The following LNX1 variants were observed in gnomAD, a reference collection of about 807,000 sequenced individuals.
LNX1 encodes the protein E3 ubiquitin-protein ligase LNX.
A neutral mutation model predicts 68.4 loss-of-function variants in LNX1; 54 were observed. The ratio of observed to expected loss-of-function variants is 0.79; its 90% CI spans 0.63 to 0.99. The LOEUF (loss-of-function observed/expected upper bound fraction) is 0.99. LNX1 is among the 50% of genes least tolerant of loss of function. The pLI, the probability that LNX1 is intolerant of heterozygous loss-of-function variation, is 0.00. For missense variants in LNX1, 906 were observed against 926.4 expected, an observed-to-expected ratio of 0.98 and a Z score of 0.29; for synonymous variants, 336 against 350.0, an observed-to-expected ratio of 0.96 and a Z score of 0.45.
intron 6 of LNX1, among the ~76,000 whole-genome samples, chr4:53,486,407 C>A (rs1724296673): frequency 6.6e-6 from 1 of 152,112 alleles, no homozygotes. Context: ...TTCTACAGGC[C>A]AAGAGGAAGC....
At chr4:53,487,741 C>T (rs1724406311) in intron 6 of LNX1, among the ~76,000 whole-genome samples, 1 of 152,176 alleles carries the variant, frequency 6.6e-6, no homozygotes, top group African/African-American at 2.4e-5. Context: ...ATATAAGCTG[C>T]TTATAGAGCT....
rs199684639 is a variant in LNX1, at chr4:53,495,548, C to CTTTTTTTTTTTTTTTTTTTTTTTTTTTT, written c.1350+474_1350+475insAAAAAAAAAAAAAAAAAAAAAAAAAAAA. Among the ~76,000 whole-genome samples, 68 of 119,384 alleles carry CTTTTTTTTTTTTTTTTTTTTTTTTTTTT rather than the reference C, an allele frequency of 5.7e-4. 6 individuals carry two copies. Among genetic ancestry groups the CTTTTTTTTTTTTTTTTTTTTTTTTTTTT allele is most frequent in the Middle Eastern group, 4.8e-3 (1 of 208 alleles). 78.3% of individuals were successfully genotyped at this position (119,384 alleles called of 152,430 possible). A position where few individuals can be genotyped will look rare whatever the true frequency, so the allele number is the denominator to read the frequency against. ...GATCCCTGGAGAATGCATGGCATAG[C>CTTTTTTTTTTTTTTTTTTTTTTTTTTTT]TTTTTTTTTTTTTAAGATGGGTCTT... On this transcript the variant is annotated intron_variant, in intron 6 of 10. Coordinates refer to ENST00000263925, the MANE Select transcript of LNX1 (RefSeq NM_001126328.3).
rs755928010 is a variant in LNX1 at position 53,508,206 on chromosome 4, G to A, written c.402C>T (p.Tyr134=). 1 of 1,614,086 alleles carries A rather than the reference G, an allele frequency of 6.2e-7. No individual in the cohort carries two copies. Among genetic ancestry groups the A allele is most frequent in the South Asian group, 1.1e-5 (1 of 91,082 alleles). ...GCCTCTTCCTATCTTTGGTCAGGCC[G>A]TAGTGGGAGGCACCTTTACAGCTGT... ...FQTSCKGASH[Y]GLTKDRKRRS... The change falls in exon 3 of 11, where the codon TAC becomes TAT. Residue 134 remains tyrosine (Y), a synonymous_variant. Transcript: ENST00000263925.
rs570561980 is a variant in LNX1 at position 53,631,847 on chromosome 4, G to A, written c.-215+20321C>T. ...CTAATCAATTCAGAGTCTCTTTGGAGGTGGAGCCTGAGCCTTTTTTTTTTT... is the reference window on the plus strand; with the variant it reads ...CTAATCAATTCAGAGTCTCTTTGGAAGTGGAGCCTGAGCCTTTTTTTTTTT... On this transcript the variant is annotated intron_variant, in intron 1 of 2. Transcript: ENST00000507168. 1.0e-3 allele frequency among the ~76,000 whole-genome samples: 158 copies of A among 152,094 alleles called. 1 individual carries two copies. Among genetic ancestry groups the A allele is most frequent in the African/African-American group, 3.6e-3 (149 of 41,482 alleles).
intron 2 of LNX1, among the ~76,000 whole-genome samples, chr4:53,553,061 A>C (rs1040622308): frequency 6.6e-6 from 1 of 152,170 alleles, no homozygotes; most frequent in Non-Finnish European, 1.5e-5. Flanking sequence ...CCAAGATATG[A>C]GGCAAATTCA....
intron 2 of LNX1, among the ~76,000 whole-genome samples, chr4:53,538,229 A>T (rs1025235731): frequency 6.6e-6 from 1 of 152,192 alleles, no homozygotes; most frequent in African/African-American, 2.4e-5. Flanking sequence ...TTGGGACACC[A>T]TGGCATCCAG....
In LNX1 at chr4:53,565,927, G is replaced by A. The variant is rs527433272; in HGVS notation, c.380+7696C>T. On this transcript the variant is annotated intron_variant, in intron 2 of 10. Coordinates refer to ENST00000263925, the MANE Select transcript of LNX1 (RefSeq NM_001126328.3). ...TGGAAGATGAAATGAATGAAATGAA[G>A]CGAGAAGGAAAGTTTAGAGAAAAAA... Among the ~76,000 whole-genome samples the A allele has an allele frequency of 4.7e-3, 718 of 152,292 alleles. 4 individuals are homozygous for A. Among genetic ancestry groups the A allele is most frequent in the African/African-American group, 0.016 (681 of 41,550 alleles).
In LNX1 at chr4:53,633,003, T is replaced by A. The variant is rs548026993; in HGVS notation, c.-215+19165A>T. On this transcript the variant is annotated intron_variant, in intron 1 of 2. Coordinates refer to the LNX1 transcript ENST00000507168. ...CCTAAGACAAGACATCATTAGTGTG[T>A]GAGTGGTGGGGAGTTCGGGGTGGAA... Among the ~76,000 whole-genome samples, 183 of 152,344 alleles carry A rather than the reference T, an allele frequency of 1.2e-3. 1 individual carries two copies. Among genetic ancestry groups the A allele is most frequent in the African/African-American group, 4.1e-3 (172 of 41,586 alleles).
intron 2 of LNX1, among the ~76,000 whole-genome samples, chr4:53,540,860 G>T (rs1394013657): frequency 6.6e-6 from 1 of 152,084 alleles, no homozygotes; most frequent in Non-Finnish European, 1.5e-5. Flanking sequence ...AGGAGAGCTG[G>T]GAATGGTGGC....
chr4:53,544,519 T>C (rs1482189599), intron 2 of LNX1, among the ~76,000 whole-genome samples: 1 of 152,144 alleles, frequency 6.6e-6, no homozygotes, highest in African/African-American at 2.4e-5. Flanking sequence ...TCTTTTGTGA[T>C]GTTAAAGGAA....
chr4:53,648,474 T>G (rs1278098523), intron 1 of LNX1, among the ~76,000 whole-genome samples: 1 of 152,244 alleles, frequency 6.6e-6, no homozygotes, highest in Non-Finnish European at 1.5e-5. Flanking sequence ...GTTGTTGAAC[T>G]GTAGGGGTTC....
In LNX1 at chr4:53,460,357, C is replaced by CAAAT. The variant is rs141678192; in HGVS notation, c.*546_*549dup. On this transcript the variant is annotated 3_prime_UTR_variant, in exon 11 of 11. Transcript: ENST00000263925. The stretch of plus-strand genomic sequence containing the variant: ...AGGAGGTATTCATCGGTGATGGTAA[C>CAAAT]AAATAACATGGTATTTGAAAGAATA... 2 of 189,828 alleles carry CAAAT rather than the reference C, an allele frequency of 1.1e-5. No homozygotes were observed. Among genetic ancestry groups the CAAAT allele is most frequent in the Non-Finnish European group, 2.2e-5 (2 of 90,690 alleles). The allele number at this position is 189,828 out of a possible 1,614,324, so 11.8% of individuals were successfully genotyped here. A position where few individuals can be genotyped will look rare whatever the true frequency, so the allele number is the denominator to read the frequency against.
At chr4:53,584,431 G>A (rs1433661104) in intron 1 of LNX1, among the ~76,000 whole-genome samples, 1 of 152,138 alleles carries the variant, frequency 6.6e-6, no homozygotes, top group Non-Finnish European at 1.5e-5. Context: ...ATAATACATG[G>A]CAATGTGTAT....
intron 1 of LNX1, among the ~76,000 whole-genome samples, chr4:53,644,870 G>T (rs770767618): frequency 7.2e-5 from 11 of 152,178 alleles, no homozygotes; most frequent in Non-Finnish European, 1.6e-4. Flanking sequence ...GAGAGATGTG[G>T]TAACAGGGAG....
intron 9 of LNX1, among the ~76,000 whole-genome samples, chr4:53,469,622 G>C (rs1392701757): frequency 6.6e-6 from 1 of 151,778 alleles, no homozygotes; most frequent in Non-Finnish European, 1.5e-5. Context: ...AAAGAGAGAA[G>C]AATCAAATAG....
At position 53,464,639 on chromosome 4, in the gene LNX1, A is replaced by T. The variant is rs562586449; in HGVS notation, c.1893-3046T>A. Reference sequence around the variant, plus strand: ...GAACAAACAGGTATAGCAATGTTTAATATAAGTGAGGTTGCTTACTACAAT... The same window carrying T: ...GAACAAACAGGTATAGCAATGTTTATTATAAGTGAGGTTGCTTACTACAAT... On this transcript the variant is annotated intron_variant, in intron 9 of 10. Coordinates refer to ENST00000263925, the MANE Select transcript of LNX1 (RefSeq NM_001126328.3). Among the ~76,000 whole-genome samples the T allele has an allele frequency of 3.9e-5, 6 of 152,246 alleles. No individual in the cohort carries two copies. In the South Asian group the frequency reaches 1.2e-3, roughly 32 times the overall value.
chr4:53,470,152 T>C (rs149680127), intron 9 of LNX1, among the ~76,000 whole-genome samples: 1 of 152,078 alleles, frequency 6.6e-6, no homozygotes, highest in South Asian at 2.1e-4. Context: ...CATGATCAAG[T>C]GGGCTTCATC....
At chr4:53,617,751 T>A (rs1733732810), upstream of LNX1, among the ~76,000 whole-genome samples, 1 of 152,216 alleles carries the variant, frequency 6.6e-6, no homozygotes, top group Admixed American at 6.5e-5. Flanking sequence ...TACAGAGATG[T>A]TATTGACTAA....
At position 53,505,791 on chromosome 4, in the gene LNX1, A is replaced by C. The variant is rs561428980; in HGVS notation, c.775+1526T>G. On this transcript the variant is annotated intron_variant, in intron 4 of 10. Transcript: ENST00000263925. The stretch of plus-strand genomic sequence containing the variant: ...TGATACAGGTGCTTCAAAAACACCT[A>C]AAAAGGGGGCTGAGGGAGTGAGGTT... Among the ~76,000 whole-genome samples, 7 of 152,340 alleles carry C rather than the reference A, an allele frequency of 4.6e-5. No individual in the cohort carries two copies. The South Asian group carries it at 1.4e-3, about 32-fold the overall frequency.
Sources: gnomAD v4.1 joint callset for allele counts (sites outside exome capture counted in the v4.1 genomes callset) on GRCh38, gnomAD v4.1.1 for gene constraint, MANE v1.5 for transcripts, NCBI Gene and HGNC (gene_info 2026-07-23, HGNC 2026-07-21) for gene names.